PDZD4: variants seen among roughly 807,000 people sequenced by gnomAD.
The protein encoded by PDZD4 is PDZ domain-containing protein 4.
Under a neutral mutation model 38.5 loss-of-function variants are expected in PDZD4, and 9 were observed. The observed-to-expected ratio is 0.23, with a 90% confidence interval of 0.14 to 0.41. PDZD4 has a LOEUF of 0.41. PDZD4 is among the 10% of genes least tolerant of loss of function. The probability of loss-of-function intolerance (pLI) is 1.00; values close to 1 mark genes in which losing one functional copy is unlikely to be tolerated. For synonymous variants in PDZD4, 349 were observed against 315.7 expected (o/e 1.11, Z -1.12); for missense variants, 612 against 722.0 (o/e 0.85, Z 1.75).
chrX:153,807,900 G>GTCTCA, intron 2 of PDZD4: 1 of 983,503 alleles, frequency 1.0e-6, no homozygotes, highest in Non-Finnish European at 1.3e-6. Flanking sequence ...CGCTCACGCG[G>GTCTCA]TCATGAGCCA....
At chrX:153,826,416 A>T (rs1344814348) in intron 1 of PDZD4, among the ~76,000 whole-genome samples, 1 of 106,389 alleles carries the variant, frequency 9.4e-6, no homozygotes, top group Admixed American at 1.0e-4. Flanking sequence ...ATAAAAATCA[A>T]TTTTTTTTTT....
At chrX:153,805,703 G>A in intron 5 of PDZD4, 97 bp from the exon 6 acceptor site, 1 of 654,561 alleles carries the variant, frequency 1.5e-6, no homozygotes, top group Non-Finnish European at 2.5e-6. Flanking sequence ...GGGCTCGGCT[G>A]GGCTAGGCTG....
At chrX:153,822,085 GA>G (rs1269011580) in intron 1 of PDZD4, among the ~76,000 whole-genome samples, 1 of 108,101 alleles carries the variant, frequency 9.3e-6, no homozygotes, top group African/African-American at 3.4e-5. Context: ...AGCTACTCGG[GA>G]GGCTGAGGCA....
At chrX:153,822,637 CT>C (rs2064437055) in intron 1 of PDZD4, among the ~76,000 whole-genome samples, 1 of 68,962 alleles carries the variant, frequency 1.5e-5, no homozygotes, top group African/African-American at 5.6e-5. Context: ...CTCTCTCTCT[CT>C]CTCTCCCTCC....
chrX:153,814,480 A>ACCCC (rs35283380), intron 1 of PDZD4, among the ~76,000 whole-genome samples: 5 of 53,857 alleles, frequency 9.3e-5, no homozygotes, highest in East Asian at 8.5e-4. Flanking sequence ...TCCACCCCCC[A>ACCCC]CCCCCCCCCC....
At chrX:153,818,257 G>C (rs2064382479) in intron 1 of PDZD4, among the ~76,000 whole-genome samples, 1 of 109,082 alleles carries the variant, frequency 9.2e-6, no homozygotes, top group African/African-American at 3.4e-5. Context: ...AACAAAAAAA[G>C]AATCATGAGA....
At chrX:153,806,670 T>C in intron 4 of PDZD4, 72 bp downstream of exon 4, 2 of 1,000,781 alleles carry the variant, frequency 2.0e-6, no homozygotes, top group South Asian at 1.9e-5. Flanking sequence ...GCTGGGACCT[T>C]AAGGGCAGCC....
In PDZD4 at chrX:153,805,213, G is replaced by T. The variant is rs1557076510; in HGVS notation, c.670-6C>A. 1 of 1,196,577 alleles carries T rather than the reference G, an allele frequency of 8.4e-7. No individual in the cohort carries two copies. On this transcript the variant is annotated splice_region_variant and splice_polypyrimidine_tract_variant and intron_variant, in intron 6 of 7. Coordinates refer to ENST00000393758, the MANE Select transcript of PDZD4 (RefSeq NM_001303512.2). ...TCCTTCCACCTTTTCGCCAGCTGTG[G>T]AGACAGGCCCTGGTGTCCCCACAGC... is the stretch of plus-strand genomic sequence containing the variant.
At chrX:153,828,425 C>T (rs2064504127) in intron 1 of PDZD4, among the ~76,000 whole-genome samples, 1 of 113,171 alleles carries the variant, frequency 8.8e-6, no homozygotes, top group South Asian at 3.6e-4. Flanking sequence ...AGCAGGAAAG[C>T]GCACAGAGGG....
chrX:153,821,843 C>G (rs1361554346), intron 1 of PDZD4, among the ~76,000 whole-genome samples: 1 of 111,703 alleles, frequency 9.0e-6, no homozygotes, highest in Non-Finnish European at 1.9e-5. Flanking sequence ...ACCTGGCCCC[C>G]ACCTTTCCGG....
At chrX:153,811,926 G>A (rs184340815) in intron 1 of PDZD4, among the ~76,000 whole-genome samples, 4 of 112,115 alleles carry the variant, frequency 3.6e-5, no homozygotes, top group Non-Finnish European at 7.5e-5. Flanking sequence ...AACTGAAGCT[G>A]GGAAATTTGG....
chrX:153,829,975 A>C (rs1557083386), intron 1 of PDZD4: 3 of 785,105 alleles, frequency 3.8e-6, no homozygotes, highest in Non-Finnish European at 4.9e-6. Flanking sequence ...TTGCTATGCA[A>C]CCTCCATCCC....
chrX:153,807,938 C>T (rs782230456), intron 2 of PDZD4: 41 of 985,836 alleles, frequency 4.2e-5, no homozygotes, highest in Non-Finnish European at 5.1e-5. Flanking sequence ...GCCCTTCTTC[C>T]GGTCGGGCCA....
chrX:153,810,903 C>T (rs1370912033), intron 1 of PDZD4, among the ~76,000 whole-genome samples: 4 of 112,744 alleles, frequency 3.5e-5, no homozygotes, highest in Non-Finnish European at 5.6e-5. Flanking sequence ...TTTTCATATT[C>T]TGAAAAGAGC....
At chrX:153,829,340 A>T (rs1180977015) in intron 1 of PDZD4, among the ~76,000 whole-genome samples, 1 of 110,327 alleles carries the variant, frequency 9.1e-6, no homozygotes, top group Non-Finnish European at 1.9e-5. Context: ...AGTTGAATCC[A>T]GGCCACTAAA....
chrX:153,830,351 C>T lies in PDZD4; in HGVS notation c.-53G>A. ...GGCGGGAACGGGAAGACGCCTTTCA[C>T]TGACCCGGGCGCGGGACCTCGGGTC... On this transcript the variant is annotated 5_prime_UTR_variant, in exon 1 of 8. It adds an upstream start codon to the 5' untranslated region. Coordinates refer to ENST00000393758, the MANE Select transcript of PDZD4 (RefSeq NM_001303512.2). The T allele has an allele frequency of 8.8e-7, 1 of 1,131,476 alleles. No homozygotes were observed. Among genetic ancestry groups the T allele is most frequent in the Non-Finnish European group, 1.2e-6 (1 of 830,948 alleles). 93.2% of individuals were successfully genotyped at this position (1,131,476 alleles called of 1,213,427 possible).
chrX:153,808,070 G>C, intron 2 of PDZD4: 3 of 1,060,377 alleles, frequency 2.8e-6, no homozygotes, highest in Non-Finnish European at 2.4e-6. Context: ...GATGGAGGAG[G>C]AGGAGCTGAG....
chrX:153,829,920 C>G, intron 1 of PDZD4: 23 of 816,327 alleles, frequency 2.8e-5, no homozygotes, highest in South Asian at 5.6e-5. Flanking sequence ...CTCCCTCCCC[C>G]GCCCTGGGTC....
Position 153,803,551 on chromosome X carries a change from C to T in PDZD4, c.2130G>A (p.Glu710=). The change falls in exon 8 of 8, where the codon GAG becomes GAA. Residue 710 remains glutamate (E), a synonymous_variant. Coordinates refer to ENST00000393758, the MANE Select transcript of PDZD4 (RefSeq NM_001303512.2). ...CGCCATTCTGCTGCTCCCGCAGGCACTCCAGCCGGCTCTGCATCATGAACT... is the reference window on the plus strand; with the variant it reads ...CGCCATTCTGCTGCTCCCGCAGGCATTCCAGCCGGCTCTGCATCATGAACT... ...RREFMMQSRL[E]CLREQQNGDS... is the part of the protein sequence containing the mutation. The T allele has an allele frequency of 3.0e-5, 36 of 1,208,145 alleles. No homozygotes were observed. Among genetic ancestry groups the T allele is most frequent in the Non-Finnish European group, 3.9e-5 (35 of 893,661 alleles).
Sources: gnomAD v4.1 joint callset for allele counts (sites outside exome capture counted in the v4.1 genomes callset) on GRCh38, gnomAD v4.1.1 for gene constraint, MANE v1.5 for transcripts, NCBI Gene and HGNC (gene_info 2026-07-23, HGNC 2026-07-21) for gene names.